The following CUL2 variants were observed in gnomAD, a reference collection of about 807,000 sequenced individuals.
CUL2 encodes cullin 2.
CUL2 carries 22 observed loss-of-function variants against 110.2 expected under a neutral mutation model. The observed-to-expected ratio is 0.20, with a 90% confidence interval of 0.14 to 0.28. The LOEUF is 0.28. Ranked by LOEUF, CUL2 falls within the 10% of genes least tolerant of loss-of-function variation. The pLI, the probability that CUL2 is intolerant of heterozygous loss-of-function variation, is 1.00. For missense variants in CUL2, 631 were observed against 905.5 expected (o/e 0.70, Z 3.89); for synonymous variants, 279 against 293.2 (o/e 0.95, Z 0.49).
chr10:35,032,293 G>T, intron 12 of CUL2, 142 bp downstream of exon 12: 1 of 670,836 alleles, frequency 1.5e-6, no homozygotes, highest in South Asian at 1.9e-5. Flanking sequence ...TTACATAAAT[G>T]CCAAACTATA....
chr10:35,032,510 C>A lies in CUL2; in HGVS notation c.1111-16G>T. On this transcript the variant is annotated splice_polypyrimidine_tract_variant and intron_variant, in intron 11 of 20. Coordinates refer to ENST00000374749, the MANE Select transcript of CUL2 (RefSeq NM_003591.4). ...ACGTAAGGGCCTGAATAAAAAAACA[C>A]GCCATAATTAACCACCAGCCATAGG... 1.9e-6 allele frequency: 3 copies of A among 1,574,430 alleles called. No homozygotes were observed. The highest frequency in any genetic ancestry group is 2.6e-6 in the Non-Finnish European group (3 of 1,165,974).
intron 2 of CUL2, among the ~76,000 whole-genome samples, chr10:35,098,752 G>A (rs372259714): frequency 2.2e-4 from 34 of 151,178 alleles, no homozygotes; most frequent in African/African-American, 8.2e-4. Context: ...CCAACATGGC[G>A]AAACCCCATC....
In CUL2 at chr10:35,008,704, T is replaced by C. The variant is rs150134132; in HGVS notation, c.*1607A>G. The C allele has an allele frequency of 3.2e-4, 48 of 152,314 alleles. No individual in the cohort carries two copies. Among genetic ancestry groups the C allele is most frequent in the East Asian group, 1.3e-3 (7 of 5,188 alleles). The allele number at this position is 152,314 out of a possible 1,614,324, so 9.4% of individuals were successfully genotyped here. On this transcript the variant is annotated 3_prime_UTR_variant, in exon 21 of 21. Coordinates refer to ENST00000374749, the MANE Select transcript of CUL2 (RefSeq NM_003591.4). ...ATTATATAAGTCATTATAAGTTCAG[T>C]AGATTTTTAAAACACTTGAGACACG...
intron 10 of CUL2, among the ~76,000 whole-genome samples, chr10:35,034,072 A>G (rs1023021842): frequency 3.9e-5 from 6 of 152,232 alleles, no homozygotes; most frequent in African/African-American, 1.2e-4. Context: ...AATACCTAAT[A>G]GTACAAAAGT....
At chr10:35,048,330 T>C (rs2086005342) in intron 6 of CUL2, among the ~76,000 whole-genome samples, 1 of 152,200 alleles carries the variant, frequency 6.6e-6, no homozygotes, top group Non-Finnish European at 1.5e-5. Flanking sequence ...AGATAATCTA[T>C]CTTTTCCAGA....
intron 5 of CUL2, among the ~76,000 whole-genome samples, chr10:35,051,135 GA>G (rs2086094074): frequency 6.6e-6 from 1 of 151,782 alleles, no homozygotes; most frequent in Non-Finnish European, 1.5e-5. Flanking sequence ...CTAACAGGGT[GA>G]AACCCCATCT....
At chr10:35,099,651 CT>C (rs1342781878) in intron 2 of CUL2, 3 of 151,968 alleles carry the variant, frequency 2.0e-5, no homozygotes, top group African/African-American at 7.2e-5. Flanking sequence ...TGGTGCATGC[CT>C]ATGATCCTAG....
intron 16 of CUL2, among the ~76,000 whole-genome samples, chr10:35,027,134 C>T (rs1295920805): frequency 6.7e-6 from 1 of 148,590 alleles, no homozygotes; most frequent in Non-Finnish European, 1.5e-5. Flanking sequence ...ATATACACTA[C>T]TTTAGATACT....
intron 1 of CUL2, among the ~76,000 whole-genome samples, chr10:35,107,753 G>A (rs561528464): frequency 2.6e-5 from 4 of 151,536 alleles, no homozygotes; most frequent in Non-Finnish European, 5.9e-5. Flanking sequence ...GTGGTGGCAG[G>A]CGCTTGTGGT....
At chr10:35,103,333 AT>A (rs1170984115) in intron 1 of CUL2, among the ~76,000 whole-genome samples, 1 of 53,384 alleles carries the variant, frequency 1.9e-5, no homozygotes, top group Non-Finnish European at 4.1e-5. Context: ...TTTTTTTTTT[AT>A]TTTTTTTTGA....
upstream of CUL2, among the ~76,000 whole-genome samples, chr10:35,092,359 C>T (rs539868938): frequency 3.3e-5 from 5 of 152,318 alleles, no homozygotes; most frequent in South Asian, 2.1e-4. Context: ...CCAACCTGTC[C>T]GGGTGGTCAT....
intron 4 of CUL2, among the ~76,000 whole-genome samples, chr10:35,058,474 C>T (rs1013512219): frequency 6.6e-6 from 1 of 152,152 alleles, no homozygotes; most frequent in Admixed American, 6.5e-5. Flanking sequence ...AAGGACAGGT[C>T]CATTGTAACT....
intron 1 of CUL2, among the ~76,000 whole-genome samples, chr10:35,110,288 G>A (rs572766511): frequency 1.3e-5 from 2 of 152,336 alleles, no homozygotes; most frequent in African/African-American, 2.4e-5. Flanking sequence ...ATTTATCCAG[G>A]CACAGTGGCT....
chr10:35,044,849 G>T lies in CUL2; in HGVS notation c.526C>A (p.Pro176Thr). 1.2e-6 allele frequency: 2 copies of T among 1,612,324 alleles called. No homozygotes were observed. The highest frequency in any genetic ancestry group is 1.1e-5 in the South Asian group (1 of 90,806). ...ACCCCATGGATTACTTTCTGGTTTG[G>T]GTCTTCTCCACCACGATCACTAAAA... The part of the protein sequence containing the change: ...EIKNDRGGED[P>T]NQKVIHGVIN... The change falls in exon 7 of 21, where the codon CCA becomes ACA. Residue 176 changes from proline (P) to threonine (T), a missense_variant. Pro to Thr is a conservative substitution (Grantham distance 38). Coordinates refer to ENST00000374749, the MANE Select transcript of CUL2 (RefSeq NM_003591.4).
chr10:35,027,584 T>C (rs953288635), intron 16 of CUL2, among the ~76,000 whole-genome samples: 6 of 152,240 alleles, frequency 3.9e-5, no homozygotes, highest in Admixed American at 3.9e-4. Flanking sequence ...TACTTTGGTG[T>C]AAAATAAAGG....
chr10:35,072,136 G>A (rs1221330966), intron 1 of CUL2, among the ~76,000 whole-genome samples: 1 of 152,050 alleles, frequency 6.6e-6, no homozygotes. Context: ...TGGAGCATCA[G>A]TATAAGATTA....
At chr10:35,084,784 T>C (rs2087020267) in intron 1 of CUL2, among the ~76,000 whole-genome samples, 1 of 152,148 alleles carries the variant, frequency 6.6e-6, no homozygotes, top group Non-Finnish European at 1.5e-5. Flanking sequence ...CCTCATAATA[T>C]TAAGATTCTA....
In CUL2 at chr10:35,044,602, T is replaced by C; in HGVS notation, c.678A>G (p.Leu226=). The C allele has an allele frequency of 6.2e-7, 1 of 1,609,870 alleles. No homozygotes were observed. Among genetic ancestry groups the C allele is most frequent in the Non-Finnish European group, 8.5e-7 (1 of 1,179,032 alleles). Residue 226 remains leucine (L), a synonymous_variant, in exon 8 of 21, where the codon TTA becomes TTG. Coordinates refer to ENST00000374749, the MANE Select transcript of CUL2 (RefSeq NM_003591.4). ...GEYYKQEASN[L]LQESNCSQYM... Reference sequence around the variant, plus strand: ...ACTGTGAGCAGTTTGATTCTTGTAATAAATTTGAAGCTTCTTGTTTGTAAT... The same window carrying C: ...ACTGTGAGCAGTTTGATTCTTGTAACAAATTTGAAGCTTCTTGTTTGTAAT...
chr10:35,067,228 A>G lies in CUL2; in HGVS notation c.119+3971T>C, dbSNP rs532853054. Among the ~76,000 whole-genome samples, 37 of 152,308 alleles carry G rather than the reference A, an allele frequency of 2.4e-4. No homozygotes were observed. The South Asian group carries it at 4.3e-3, about 18-fold the overall frequency. On this transcript the variant is annotated intron_variant, in intron 2 of 20. Transcript: ENST00000374749. ...GAACTCATATTCCTACCTGGAAGAA[A>G]TACGTTGAGGGAAGGCAATATTAAG...
Sources: allele counts gnomAD v4.1 joint callset (sites outside exome capture counted in the v4.1 genomes callset), GRCh38; gene constraint gnomAD v4.1.1; transcripts MANE v1.5; gene names NCBI Gene and HGNC (gene_info 2026-07-23, HGNC 2026-07-21).